The following COG5 variants were observed in gnomAD, a reference collection of about 807,000 sequenced individuals.
The protein encoded by COG5 is component of oligomeric golgi complex 5.
COG5 carries 86 observed loss-of-function variants against 110.4 expected under a neutral mutation model. The observed-to-expected ratio is 0.78, with a 90% CI of 0.65 to 0.93. The LOEUF (loss-of-function observed/expected upper bound fraction) is 0.93, where lower values mean the gene tolerates loss of function less well. COG5 is among the 40% of genes least tolerant of loss of function. COG5 has a pLI of 0.00. For synonymous variants in COG5, 360 were observed against 334.6 expected (o/e 1.08, Z -0.83); for missense variants, 1,077 against 987.0 (o/e 1.09, Z -1.22).
At chr7:107,282,266 C>A (rs1184418036) in intron 13 of COG5, among the ~76,000 whole-genome samples, 1 of 152,156 alleles carries the variant, frequency 6.6e-6, no homozygotes, top group Admixed American at 6.6e-5. Flanking sequence ...TTATTAAACA[C>A]TAGCATAAGC....
intron 10 of COG5, 135 bp from the exon 11 acceptor site, chr7:107,324,656 T>C (rs953443619): frequency 5.4e-6 from 3 of 560,694 alleles, no homozygotes; most frequent in African/African-American, 3.8e-5. Context: ...CATCAAACAA[T>C]AGAATTATTA....
chr7:107,472,180 A>G lies in COG5; in HGVS notation c.538+55057T>C, dbSNP rs934068451. Reference sequence around the variant, plus strand: ...AGCAAAACAAATACAAATATTATGTACTGTTCTTTAGAAATCCATCAGCCA... The same window carrying G: ...AGCAAAACAAATACAAATATTATGTGCTGTTCTTTAGAAATCCATCAGCCA... On this transcript the variant is annotated intron_variant, in intron 6 of 21. Transcript: ENST00000297135. 6 of 152,048 alleles carry G rather than the reference A, an allele frequency of 3.9e-5. No individual in the cohort carries two copies. The East Asian group carries it at 1.2e-3, about 29-fold the overall frequency. 9.4% of individuals were successfully genotyped at this position (152,048 alleles called of 1,614,324 possible).
intron 6 of COG5, among the ~76,000 whole-genome samples, chr7:107,519,219 C>G (rs961099328): frequency 1.3e-5 from 2 of 151,892 alleles, no homozygotes; most frequent in Non-Finnish European, 2.9e-5. Flanking sequence ...AAATCGACAC[C>G]TTAACATCAC....
At chr7:107,487,041 T>C (rs961087544) in intron 6 of COG5, among the ~76,000 whole-genome samples, 6 of 152,198 alleles carry the variant, frequency 3.9e-5, no homozygotes, top group Non-Finnish European at 8.8e-5. Flanking sequence ...TGTAATATTG[T>C]GGTGAGGAAC....
At chr7:107,536,268 A>C (rs919208059) in intron 5 of COG5, among the ~76,000 whole-genome samples, 2 of 152,220 alleles carry the variant, frequency 1.3e-5, no homozygotes, top group African/African-American at 2.4e-5. Context: ...AGTTCTGGCC[A>C]GGGCAATCAG....
intron 7 of COG5, 34 bp from the exon 8 acceptor site, chr7:107,372,794 A>AT: frequency 6.2e-7 from 1 of 1,606,506 alleles, no homozygotes; most frequent in East Asian, 2.2e-5. Flanking sequence ...GGAAACAGAT[A>AT]TAAATAGGAA....
At chr7:107,212,865 A>C (rs1244512461) in intron 19 of COG5, among the ~76,000 whole-genome samples, 1 of 152,238 alleles carries the variant, frequency 6.6e-6, no homozygotes, top group Non-Finnish European at 1.5e-5. Flanking sequence ...CACTCCTCCA[A>C]GTCAGCACAG....
intron 17 of COG5, among the ~76,000 whole-genome samples, chr7:107,236,930 A>G (rs921044405): frequency 2.6e-5 from 4 of 152,174 alleles, no homozygotes; most frequent in African/African-American, 9.7e-5. Context: ...CATTTACCTA[A>G]AGATTATTAA....
intron 17 of COG5, among the ~76,000 whole-genome samples, chr7:107,239,872 G>A (rs529280486): frequency 6.6e-6 from 1 of 152,270 alleles, no homozygotes; most frequent in Admixed American, 6.5e-5. Context: ...AATTTGTTCA[G>A]ACTTGGTTTG....
intron 11 of COG5, among the ~76,000 whole-genome samples, chr7:107,320,027 A>G (rs1385176301): frequency 2.6e-5 from 4 of 152,220 alleles, no homozygotes; most frequent in African/African-American, 9.6e-5. Context: ...TTTAGAAAAG[A>G]GTGAACACTC....
chr7:107,279,715 C>A (rs770933562), intron 14 of COG5, among the ~76,000 whole-genome samples: 4 of 151,950 alleles, frequency 2.6e-5, no homozygotes, highest in Non-Finnish European at 5.9e-5. Context: ...TTCCCTTATA[C>A]ACTAAAATGA....
chr7:107,556,949 T>G (rs1803369097), intron 2 of COG5, among the ~76,000 whole-genome samples: 1 of 152,038 alleles, frequency 6.6e-6, no homozygotes, highest in African/African-American at 2.4e-5. Context: ...TTTTGTATTT[T>G]TAGTAGAGAT....
chr7:107,544,683 C>T lies in COG5; in HGVS notation c.417+3428G>A, dbSNP rs371617143. On this transcript the variant is annotated intron_variant, in intron 5 of 21. Transcript: ENST00000297135. Reference sequence around the variant, plus strand: ...AACTTTGCCAGCCAAAGCCAGTCTGCAAAGAGTGGAGTAAGTTCCTACTTC... The same window carrying T: ...AACTTTGCCAGCCAAAGCCAGTCTGTAAAGAGTGGAGTAAGTTCCTACTTC... 9.9e-5 allele frequency among the ~76,000 whole-genome samples: 15 copies of T among 152,186 alleles called. 1 individual carries two copies. In the East Asian group the frequency reaches 1.2e-3, roughly 12 times the overall value.
intron 6 of COG5, among the ~76,000 whole-genome samples, chr7:107,478,179 A>G (rs1797103579): frequency 6.6e-6 from 1 of 151,952 alleles, no homozygotes; most frequent in East Asian, 1.9e-4. Flanking sequence ...GAGCTCAACA[A>G]GATGTGGTAA....
intron 6 of COG5, among the ~76,000 whole-genome samples, chr7:107,510,706 A>C (rs1799434533): frequency 6.6e-6 from 1 of 152,236 alleles, no homozygotes; most frequent in Non-Finnish European, 1.5e-5. Context: ...CTCAGACCAC[A>C]GTGCAATCAA....
chr7:107,503,060 T>C (rs907200023), intron 6 of COG5, among the ~76,000 whole-genome samples: 13 of 152,160 alleles, frequency 8.5e-5, no homozygotes, highest in African/African-American at 2.9e-4. Context: ...GGGATTTCAG[T>C]CATGAATACT....
intron 6 of COG5, among the ~76,000 whole-genome samples, chr7:107,433,511 T>C (rs1176663302): frequency 6.6e-6 from 1 of 152,182 alleles, no homozygotes; most frequent in Non-Finnish European, 1.5e-5. Context: ...AGAGCCCAGA[T>C]ATAAACCTTT....
At chr7:107,279,880 C>T (rs949512457) in intron 14 of COG5, among the ~76,000 whole-genome samples, 63 of 152,218 alleles carry the variant, frequency 4.1e-4, no homozygotes, top group African/African-American at 1.5e-3. Flanking sequence ...ACAGTATCAA[C>T]TCAGTGAAAT....
chr7:107,412,724 A>AC, intron 6 of COG5, 92 bp from the exon 7 acceptor site: 1 of 802,208 alleles, frequency 1.2e-6, no homozygotes, highest in Non-Finnish European at 2.0e-6. Flanking sequence ...AAAAAAAAAA[A>AC]CAAAAAACGC....
Sources: gnomAD v4.1 joint callset for allele counts (sites outside exome capture counted in the v4.1 genomes callset) on GRCh38, gnomAD v4.1.1 for gene constraint, MANE v1.5 for transcripts, NCBI Gene and HGNC (gene_info 2026-07-23, HGNC 2026-07-21) for gene names.